SLIT3: variants seen among roughly 807,000 people sequenced by gnomAD.
SLIT3 encodes the protein slit guidance ligand 3.
A neutral mutation model predicts 184.0 loss-of-function variants in SLIT3; 68 were observed. The ratio of observed to expected loss-of-function variants is 0.37; its 90% CI spans 0.30 to 0.45. SLIT3 has a LOEUF of 0.45. Ranked by LOEUF, SLIT3 falls within the 20% of genes least tolerant of loss-of-function variation. The probability of loss-of-function intolerance (pLI) is 1.00; values close to 1 mark genes in which losing one functional copy is unlikely to be tolerated. For missense variants in SLIT3, 1,707 were observed against 2,026.0 expected (o/e 0.84, Z 3.02); for synonymous variants, 831 against 828.6 (o/e 1.00, Z -0.05).
At chr5:168,782,985 G>A (rs143954403) in intron 12 of SLIT3, among the ~76,000 whole-genome samples, 200 of 152,268 alleles carry the variant, frequency 1.3e-3, no homozygotes, top group Non-Finnish European at 2.6e-3. Context: ...AAACCATTAC[G>A]ATGTTTAGTA....
At chr5:169,035,627 T>C (rs917674127) in intron 4 of SLIT3, among the ~76,000 whole-genome samples, 1 of 133,558 alleles carries the variant, frequency 7.5e-6, no homozygotes, top group Admixed American at 8.5e-5. Context: ...CCAGCCTGGG[T>C]GACAGTGAGA....
At chr5:168,737,726 T>C (rs1275032059) in intron 20 of SLIT3, among the ~76,000 whole-genome samples, 1 of 152,238 alleles carries the variant, frequency 6.6e-6, no homozygotes, top group Non-Finnish European at 1.5e-5. Context: ...GGATTCTGCA[T>C]TTCTTCTCTA....
chr5:168,876,361 T>G, intron 5 of SLIT3, among the ~76,000 whole-genome samples: 1 of 152,052 alleles, frequency 6.6e-6, no homozygotes, highest in East Asian at 1.9e-4. Flanking sequence ...ATCATGCCAC[T>G]CCCCTATTAG....
chr5:168,738,437 A>G (rs1763505704), intron 20 of SLIT3, among the ~76,000 whole-genome samples: 1 of 152,252 alleles, frequency 6.6e-6, no homozygotes, highest in East Asian at 1.9e-4. Flanking sequence ...CCGTATGACA[A>G]AATGGGAGAT....
chr5:168,690,878 T>G lies in SLIT3; in HGVS notation c.3176+1729A>C, dbSNP rs115487596. On this transcript the variant is annotated intron_variant, in intron 29 of 35. Coordinates refer to ENST00000519560, the MANE Select transcript of SLIT3 (RefSeq NM_003062.4). ...GTGAAAATAGAAAAGGAAGACACGA[T>G]AAAAGACATGCTCATGTCTGCTTGT... is the stretch of plus-strand genomic sequence containing the variant. Among the ~76,000 whole-genome samples the G allele has an allele frequency of 3.4e-3, 525 of 152,276 alleles. 2 individuals carry two copies. The highest frequency in any genetic ancestry group is 0.012 in the African/African-American group (487 of 41,556).
chr5:169,176,335 G>A (rs1314925697), intron 4 of SLIT3, among the ~76,000 whole-genome samples: 2 of 152,178 alleles, frequency 1.3e-5, no homozygotes, highest in Non-Finnish European at 1.5e-5. Flanking sequence ...AGGTATGAAT[G>A]CCAGGTCTGC....
At chr5:168,733,790 A>AAAAAAAAATT (rs1282721506) in intron 20 of SLIT3, among the ~76,000 whole-genome samples, 2 of 138,208 alleles carry the variant, frequency 1.4e-5, no homozygotes, top group Non-Finnish European at 3.1e-5. Context: ...AACTTAAAAT[A>AAAAAAAAATT]AAAAAAAATT....
rs375282815 is a variant in SLIT3, at chr5:168,714,797, G to A, written c.2484-2443C>T. 9.9e-5 allele frequency among the ~76,000 whole-genome samples: 15 copies of A among 152,202 alleles called. No individual in the cohort carries two copies. In the South Asian group the frequency reaches 2.5e-3, roughly 25 times the overall value. ...CCCCTTCTCCCTGATGCCTCCCAGC[G>A]GCTGGGCTGGCAAGCAACTGTCAAC... On this transcript the variant is annotated intron_variant, in intron 23 of 35. Transcript: ENST00000519560.
Position 168,669,820 on chromosome 5 carries a change from C to A in SLIT3, c.4299G>T (p.Leu1433=). ...HISDQGEPYC[L]CQPGFSGEHC... ...GCTCGCCGCTAAAGCCGGGCTGGCA[C>A]AGGCAGTAGGGCTCCCCTTGGTCTG... The change falls in exon 35 of 36, where the codon CTG becomes CTT. Residue 1433 remains leucine (L), a synonymous_variant. Coordinates refer to ENST00000519560, the MANE Select transcript of SLIT3 (RefSeq NM_003062.4). The A allele has an allele frequency of 6.2e-7, 1 of 1,614,078 alleles. No homozygotes were observed.
intron 1 of SLIT3, among the ~76,000 whole-genome samples, chr5:169,254,545 C>G (rs1162356848): frequency 2.6e-5 from 4 of 151,968 alleles, no homozygotes; most frequent in African/African-American, 9.7e-5. Context: ...TTCCCTTGAA[C>G]TTGAGCAGGC....
chr5:168,902,574 T>A (rs906312847), intron 4 of SLIT3, among the ~76,000 whole-genome samples: 1 of 152,224 alleles, frequency 6.6e-6, no homozygotes, highest in African/African-American at 2.4e-5. Context: ...TCTCAAAGTA[T>A]GGTCTCTAGA....
chr5:168,991,835 C>T (rs1363128647), intron 4 of SLIT3, among the ~76,000 whole-genome samples: 1 of 152,234 alleles, frequency 6.6e-6, no homozygotes, highest in Non-Finnish European at 1.5e-5. Context: ...CTCTAACCCA[C>T]ACATTTCCCT....
intron 4 of SLIT3, among the ~76,000 whole-genome samples, chr5:168,926,552 C>T (rs754869241): frequency 6.6e-6 from 1 of 152,188 alleles, no homozygotes; most frequent in African/African-American, 2.4e-5. Flanking sequence ...TTCATCTTTC[C>T]TACCGGCAGA....
At chr5:168,856,973 G>T (rs1758902416) in intron 5 of SLIT3, among the ~76,000 whole-genome samples, 2 of 152,034 alleles carry the variant, frequency 1.3e-5, no homozygotes, top group Admixed American at 6.5e-5. Context: ...GGCTCCTGGG[G>T]AAGGGATGGT....
intron 4 of SLIT3, among the ~76,000 whole-genome samples, chr5:169,190,414 T>C (rs1159046931): frequency 6.6e-6 from 1 of 152,250 alleles, no homozygotes; most frequent in African/African-American, 2.4e-5. Flanking sequence ...TAACTACCAC[T>C]GCTCTTCTCA....
intron 5 of SLIT3, among the ~76,000 whole-genome samples, chr5:168,856,806 T>TGTGTGCGCGCGCGC (rs374432432): frequency 1.5e-4 from 21 of 137,820 alleles, no homozygotes; most frequent in African/African-American, 5.8e-4. Flanking sequence ...TGTGTGTGTG[T>TGTGTGCGCGCGCGC]GCGCGCGCGC....
intron 4 of SLIT3, among the ~76,000 whole-genome samples, chr5:169,182,126 C>T (rs297873): frequency 2.0e-5 from 3 of 152,120 alleles, no homozygotes; most frequent in Admixed American, 2.0e-4. Flanking sequence ...AAGGGGCGGG[C>T]GGGCCACACT....
chr5:169,023,379 A>G (rs1404388391), intron 4 of SLIT3, among the ~76,000 whole-genome samples: 1 of 152,116 alleles, frequency 6.6e-6, no homozygotes, highest in Non-Finnish European at 1.5e-5. Flanking sequence ...TATTCAAAGA[A>G]AAAAGAGGGG....
intron 4 of SLIT3, chr5:169,024,531 G>A (rs1756740130): frequency 1.3e-5 from 2 of 152,154 alleles, no homozygotes; most frequent in Admixed American, 6.5e-5. Flanking sequence ...AGGTTGACTC[G>A]GCCATGAACC....
Sources: allele counts gnomAD v4.1 joint callset (sites outside exome capture counted in the v4.1 genomes callset), GRCh38; gene constraint gnomAD v4.1.1; transcripts MANE v1.5; gene names NCBI Gene and HGNC (gene_info 2026-07-23, HGNC 2026-07-21).